The following MDM4 variants were observed in gnomAD, a reference collection of about 807,000 sequenced individuals.
MDM4 encodes the protein protein Mdm4.
Under a neutral mutation model 60.2 loss-of-function variants are expected in MDM4, and 2 were observed. The ratio of observed to expected loss-of-function variants is 0.03; its 90% confidence interval spans 0.01 to 0.10. The LOEUF (loss-of-function observed/expected upper bound fraction) is 0.10. Among genes scored for constraint, MDM4 ranks in the 10% least tolerant of loss-of-function variants. MDM4 has a pLI of 1.00. For missense variants in MDM4, 447 were observed against 577.5 expected (o/e 0.77, Z 2.32); for synonymous variants, 202 against 198.1 (o/e 1.02, Z -0.17).
intron 3 of MDM4, chr1:204,529,630 C>T (rs1660648022): frequency 4.8e-6 from 5 of 1,031,488 alleles, no homozygotes; most frequent in Admixed American, 5.8e-5. Flanking sequence ...AGTAGCTACC[C>T]GGAGGGGTTC....
intron 1 of MDM4, among the ~76,000 whole-genome samples, chr1:204,522,794 T>G (rs2102297939): frequency 6.6e-6 from 1 of 152,286 alleles, no homozygotes; most frequent in African/African-American, 2.4e-5. Flanking sequence ...TTATACTTGA[T>G]TACAGCTATA....
At chr1:204,524,647 T>G in intron 1 of MDM4, among the ~76,000 whole-genome samples, 1 of 152,088 alleles carries the variant, frequency 6.6e-6, no homozygotes, top group African/African-American at 2.4e-5. Flanking sequence ...CGTGGTGGCG[T>G]GTGCCTGTAA....
chr1:204,542,234 T>C (rs1240394591), intron 7 of MDM4, among the ~76,000 whole-genome samples: 1 of 152,210 alleles, frequency 6.6e-6, no homozygotes, highest in African/African-American at 2.4e-5. Flanking sequence ...TACGAATTAT[T>C]GAGAATTGAC....
chr1:204,536,124 C>T (rs930979783), intron 5 of MDM4, among the ~76,000 whole-genome samples: 4 of 151,976 alleles, frequency 2.6e-5, no homozygotes, highest in Non-Finnish European at 5.9e-5. Context: ...GTCAGGCGTG[C>T]GCCTATAATC....
At chr1:204,542,672 G>A (rs1357093767) in intron 7 of MDM4, 112 bp from the exon 8 acceptor site, 3 of 782,612 alleles carry the variant, frequency 3.8e-6, no homozygotes, top group Non-Finnish European at 5.8e-6. Context: ...TTCTTTCTTA[G>A]AACAGGAATT....
At chr1:204,536,517 T>C (rs1339991356) in intron 5 of MDM4, among the ~76,000 whole-genome samples, 1 of 152,254 alleles carries the variant, frequency 6.6e-6, no homozygotes, top group African/African-American at 2.4e-5. Flanking sequence ...CCATATTTTA[T>C]CTCTGAACCT....
chr1:204,523,985 A>G (rs1659851069), intron 1 of MDM4, among the ~76,000 whole-genome samples: 1 of 152,102 alleles, frequency 6.6e-6, no homozygotes, highest in Admixed American at 6.6e-5. Flanking sequence ...CTGGGCGAGT[A>G]GTATGGCGGG....
At chr1:204,532,455 C>A in intron 5 of MDM4, 1 of 567,600 alleles carries the variant, frequency 1.8e-6, no homozygotes, top group South Asian at 2.4e-5. Flanking sequence ...ACTTTCTAGA[C>A]GTACTGTTAA....
chr1:204,519,377 C>T (rs1281137159), intron 1 of MDM4, among the ~76,000 whole-genome samples: 1 of 152,094 alleles, frequency 6.6e-6, no homozygotes, highest in East Asian at 1.9e-4. Flanking sequence ...CGTGATGGTG[C>T]ATGCCTGTAA....
rs186654025 is a variant in MDM4 at position 204,519,197 on chromosome 1, T to C, written c.-36+2688T>C. On this transcript the variant is annotated intron_variant, in intron 1 of 10. Transcript: ENST00000367182. ...GACCACGTGTTTATCTTTACAGCAA[T>C]AGCAAGCTGTTGAGCAGGGCCTGAC... Among the ~76,000 whole-genome samples the C allele has an allele frequency of 1.1e-3, 163 of 152,330 alleles. 1 individual carries two copies. Among genetic ancestry groups the C allele is most frequent in the African/African-American group, 3.6e-3 (149 of 41,574 alleles).
At position 204,538,245 on chromosome 1, in the gene MDM4, A is replaced by G. The variant is rs1357482189; in HGVS notation, c.448A>G (p.Thr150Ala). ...AEESSTSRKR[T>A]TEDDIPTLPT... ...GGAAAGTTCCACTTCCAGAAAAAGA[A>G]CTACAGAAGACGATATCCCCACACT... The change falls in exon 7 of 11, where the codon ACT (threonine) becomes GCT (alanine). Residue 150 changes from threonine to alanine, a missense_variant. Thr to Ala is a moderately conservative substitution (Grantham distance 58). Around this residue, in one of 8 missense-constraint regions of MDM4, gnomAD observed 184 missense variants for 179.3 expected, o/e 1.03. Coordinates refer to ENST00000367182, the MANE Select transcript of MDM4 (RefSeq NM_002393.5). The G allele has an allele frequency of 6.2e-7, 1 of 1,611,790 alleles. No individual in the cohort carries two copies. The highest frequency in any genetic ancestry group is 1.7e-5 in the Admixed American group (1 of 60,008).
chr1:204,532,702 C>T, intron 5 of MDM4: 1 of 1,545,958 alleles, frequency 6.5e-7, no homozygotes, highest in Non-Finnish European at 8.8e-7. Context: ...GTTGATATGT[C>T]TCATAAGTGT....
rs745539835 is a variant in MDM4, at chr1:204,544,519, GT to G, written c.673-8del. 5 of 1,588,858 alleles carry G rather than the reference GT, an allele frequency of 3.1e-6. No individual in the cohort carries two copies. Among genetic ancestry groups the G allele is most frequent in the Admixed American group, 1.7e-5 (1 of 57,160 alleles). ...CCTCTGAATACAGAAACTCATGTTT[GT>G]TTTTTTTCTGTTAGGATGTGGGTAC... On this transcript the variant is annotated splice_polypyrimidine_tract_variant and intron_variant, in intron 8 of 10. Coordinates refer to ENST00000367182, the MANE Select transcript of MDM4 (RefSeq NM_002393.5).
chr1:204,550,254 G>T lies in MDM4; in HGVS notation c.*572G>T, dbSNP rs1414025101. ...AGTGGTATGATCATGGCTCACTGCA[G>T]CCTTGGTTTCCTGGGCATAAGTGGT... is the stretch of plus-strand genomic sequence containing the variant. On this transcript the variant is annotated 3_prime_UTR_variant, in exon 11 of 11. Coordinates refer to ENST00000367182, the MANE Select transcript of MDM4 (RefSeq NM_002393.5). The T allele has an allele frequency of 2.2e-5, 5 of 231,252 alleles. No homozygotes were observed. In the East Asian group the frequency reaches 2.4e-4, roughly 11 times the overall value. The allele number at this position is 231,252 out of a possible 1,614,324, so 14.3% of individuals were successfully genotyped here.
In MDM4 at chr1:204,522,926, G is replaced by A. The variant is rs567995872; in HGVS notation, c.-35-2558G>A. On this transcript the variant is annotated intron_variant, in intron 1 of 10. Transcript: ENST00000367182. Reference sequence around the variant, plus strand: ...AACCCAGGTTGGAGTGCAATGGTGCGATCTCAGCTCACTGCAACCTCCGCC... The same window carrying A: ...AACCCAGGTTGGAGTGCAATGGTGCAATCTCAGCTCACTGCAACCTCCGCC... Among the ~76,000 whole-genome samples the A allele has an allele frequency of 3.2e-3, 475 of 149,416 alleles. 1 individual carries two copies. Among genetic ancestry groups the A allele is most frequent in the Middle Eastern group, 7.2e-3 (2 of 278 alleles).
In MDM4 at chr1:204,523,473, A is replaced by ATTTTTTTTTT. The variant is rs60954516; in HGVS notation, c.-35-1992_-35-1983dup. Among the ~76,000 whole-genome samples, 4 of 58,950 alleles carry ATTTTTTTTTT rather than the reference A, an allele frequency of 6.8e-5. 1 individual carries two copies. Among genetic ancestry groups the ATTTTTTTTTT allele is most frequent in the Non-Finnish European group, 8.4e-5 (3 of 35,778 alleles). 38.7% of individuals were successfully genotyped at this position (58,950 alleles called of 152,430 possible). A position where few individuals can be genotyped will look rare whatever the true frequency, so the allele number is the denominator to read the frequency against. On this transcript the variant is annotated intron_variant, in intron 1 of 10. Transcript: ENST00000367182. ...CAGAGCGAGACTCCACCTAAAAAAA[A>ATTTTTTTTTT]TTTTTTTTTTTTTTTTTTTTTTTTT...
At chr1:204,529,122 C>G in intron 3 of MDM4, 1 of 1,194,992 alleles carries the variant, frequency 8.4e-7, no homozygotes, top group Non-Finnish European at 1.2e-6. Context: ...CCAGTCATAA[C>G]TGCTGGAAGA....
rs1663102990 is a variant in MDM4 at position 204,550,536 on chromosome 1, A to G, written c.*854A>G. The G allele has an allele frequency of 1.6e-5, 3 of 184,340 alleles. No homozygotes were observed. The highest frequency in any genetic ancestry group is 7.1e-5 in the African/African-American group (3 of 42,068). 11.4% of individuals were successfully genotyped at this position (184,340 alleles called of 1,614,324 possible). On this transcript the variant is annotated 3_prime_UTR_variant, in exon 11 of 11. Coordinates refer to ENST00000367182, the MANE Select transcript of MDM4 (RefSeq NM_002393.5). ...ACTTACAAAGGATATACTATCCAAC[A>G]TATTGCATATTATATATGTGCTTTA...
Position 204,530,743 on chromosome 1 carries a change from G to A in MDM4, c.213G>A (p.Gln71=), listed in dbSNP as rs2102351775. 1.2e-6 allele frequency: 2 copies of A among 1,614,202 alleles called. No homozygotes were observed. Among genetic ancestry groups the A allele is most frequent in the Non-Finnish European group, 1.7e-6 (2 of 1,180,020 alleles). ...AGCAACTTTATGATCAGCAGGAGCA[G>A]CATATGGTATATTGTGGTGGAGATC... ...MVKQLYDQQE[Q]HMVYCGGDLL... is the part of the protein sequence containing the mutation. Residue 71 remains glutamine, a synonymous_variant, in exon 4 of 11, where the codon CAG becomes CAA. Transcript: ENST00000367182.
Sources: gnomAD v4.1 joint callset for allele counts (sites outside exome capture counted in the v4.1 genomes callset) on GRCh38, gnomAD v4.1.1 for gene constraint, gnomAD v4.1.1 regional missense constraint, MANE v1.5 for transcripts, NCBI Gene and HGNC (gene_info 2026-07-23, HGNC 2026-07-21) for gene names.